The following SEC24B variants were observed in gnomAD, a reference collection of about 807,000 sequenced individuals.
SEC24B encodes SEC24 homolog B, COPII component.
In SEC24B, 45 loss-of-function variants were observed where a neutral mutation model predicts 142.8. The observed-to-expected ratio is 0.32, with a 90% CI of 0.25 to 0.40. The LOEUF (loss-of-function observed/expected upper bound fraction) is 0.40, where lower values mean the gene tolerates loss of function less well. Among genes scored for constraint, SEC24B ranks in the 10% least tolerant of loss-of-function variants. The probability of loss-of-function intolerance (pLI) is 1.00; values close to 1 mark genes in which losing one functional copy is unlikely to be tolerated. For missense variants in SEC24B, 1,409 were observed against 1,526.8 expected (o/e 0.92, Z 1.29); for synonymous variants, 574 against 568.2 (o/e 1.01, Z -0.15).
chr4:109,530,504 A>T (rs1177533831), intron 19 of SEC24B, 40 bp downstream of exon 19: 1 of 1,504,674 alleles, frequency 6.6e-7, no homozygotes, highest in Non-Finnish European at 9.1e-7. Flanking sequence ...ATTGTTTTTT[A>T]AAATTCTCAG....
intron 1 of SEC24B, among the ~76,000 whole-genome samples, chr4:109,440,451 T>C (rs1728834196): frequency 6.6e-6 from 1 of 152,198 alleles, no homozygotes; most frequent in Admixed American, 6.5e-5. Flanking sequence ...GATCATGTTA[T>C]ATATATTCAG....
chr4:109,479,326 A>G (rs1325128373), intron 3 of SEC24B, among the ~76,000 whole-genome samples: 1 of 152,064 alleles, frequency 6.6e-6, no homozygotes, highest in Non-Finnish European at 1.5e-5. Flanking sequence ...TGGTAGAGGT[A>G]GCTACTCCAT....
chr4:109,512,036 T>C lies in SEC24B; in HGVS notation c.1856T>C (p.Ile619Thr), dbSNP rs758929644. The C allele has an allele frequency of 5.0e-6, 8 of 1,613,342 alleles. No individual in the cohort carries two copies. In the African/African-American group the frequency reaches 6.7e-5, roughly 13 times the overall value. The part of the protein sequence containing the change: ...RTYINPFVSF[I>T]DQRRWKCNLC... ...TATATTAACCCCTTTGTATCCTTCA[T>C]TGATCAACGTAGATGGAAATGCAAT... Residue 619 changes from isoleucine (I) to threonine (T), a missense_variant, in exon 9 of 24, where the codon ATT becomes ACT. This residue lies in a region of SEC24B where 700 missense variants were observed against 853.3 expected (regional missense o/e 0.82). Coordinates refer to ENST00000265175, the MANE Select transcript of SEC24B (RefSeq NM_006323.5).
At chr4:109,528,056 T>C (rs1438057842) in intron 18 of SEC24B, among the ~76,000 whole-genome samples, 1 of 152,076 alleles carries the variant, frequency 6.6e-6, no homozygotes, top group Admixed American at 6.6e-5. Context: ...TAAACAAACA[T>C]GGATGCCTCT....
intron 4 of SEC24B, among the ~76,000 whole-genome samples, chr4:109,482,167 C>A (rs138431740): frequency 9.6e-4 from 146 of 152,256 alleles, no homozygotes; most frequent in African/African-American, 3.0e-3. Flanking sequence ...TTAGTCTAAT[C>A]AAAATAAGCC....
intron 4 of SEC24B, among the ~76,000 whole-genome samples, chr4:109,486,436 G>T (rs1734360946): frequency 6.6e-6 from 1 of 152,104 alleles, no homozygotes; most frequent in Non-Finnish European, 1.5e-5. Context: ...AGGCTTAATT[G>T]CTTTCTGATA....
rs60743524 is a variant in SEC24B at position 109,493,624 on chromosome 4, ATAC to A, written c.1247-987_1247-985del. Among the ~76,000 whole-genome samples the A allele has an allele frequency of 5.3e-3, 759 of 143,062 alleles. 5 individuals carry two copies. The highest frequency in any genetic ancestry group is 8.5e-3 in the Non-Finnish European group (576 of 67,410). 93.9% of individuals were successfully genotyped at this position (143,062 alleles called of 152,430 possible). On this transcript the variant is annotated intron_variant, in intron 5 of 23. Coordinates refer to ENST00000265175, the MANE Select transcript of SEC24B (RefSeq NM_006323.5). ...TTCTAGGAGCAGGACACTATTCTAGATACTACCTTTTTTTTTTTTTTTGAGACA... is the reference window on the plus strand; with the variant it reads ...TTCTAGGAGCAGGACACTATTCTAGATACCTTTTTTTTTTTTTTTGAGACA...
At chr4:109,478,665 CCTT>C (rs2125978066) in intron 3 of SEC24B, among the ~76,000 whole-genome samples, 1 of 152,280 alleles carries the variant, frequency 6.6e-6, no homozygotes, top group Non-Finnish European at 1.5e-5. Flanking sequence ...ATGTTACGCT[CCTT>C]CTCTGTTCAG....
chr4:109,439,281 G>A (rs1728690870), intron 1 of SEC24B, among the ~76,000 whole-genome samples: 2 of 151,850 alleles, frequency 1.3e-5, no homozygotes, highest in Admixed American at 1.3e-4. Context: ...AACTTTGAGG[G>A]CACATGCAGC....
chr4:109,475,096 A>G (rs1469074547), intron 3 of SEC24B, among the ~76,000 whole-genome samples: 3 of 152,220 alleles, frequency 2.0e-5, no homozygotes, highest in Non-Finnish European at 4.4e-5. Flanking sequence ...ATAAAGCTGA[A>G]TTTTTGTTGT....
intron 7 of SEC24B, among the ~76,000 whole-genome samples, chr4:109,509,672 A>T (rs1737099412): frequency 7.6e-6 from 1 of 131,548 alleles, no homozygotes; most frequent in Non-Finnish European, 1.5e-5. Flanking sequence ...GCAAGACTCC[A>T]TCTCAGAAAA....
intron 20 of SEC24B, 147 bp from the exon 21 acceptor site, chr4:109,532,492 G>C (rs1282335984): frequency 1.7e-6 from 1 of 600,418 alleles, no homozygotes; most frequent in Non-Finnish European, 3.0e-6. Flanking sequence ...TACAGCCAAG[G>C]TGGTAGCATA....
At chr4:109,509,941 A>G (rs1040971983) in intron 7 of SEC24B, 68 bp from the exon 8 acceptor site, 5 of 904,404 alleles carry the variant, frequency 5.5e-6, no homozygotes, top group Non-Finnish European at 8.4e-6. Context: ...GTTCTTAGTT[A>G]TCTTATCTAC....
At chr4:109,501,375 A>G (rs1736125326) in intron 6 of SEC24B, among the ~76,000 whole-genome samples, 1 of 152,168 alleles carries the variant, frequency 6.6e-6, no homozygotes, top group Non-Finnish European at 1.5e-5. Flanking sequence ...TTCTCAGAAC[A>G]TGTCCTCATC....
At chr4:109,516,960 A>C (rs1723002077) in intron 11 of SEC24B, among the ~76,000 whole-genome samples, 1 of 152,202 alleles carries the variant, frequency 6.6e-6, no homozygotes, top group South Asian at 2.1e-4. Context: ...TGAGACTATC[A>C]AAAAGACAAA....
intron 2 of SEC24B, 125 bp downstream of exon 2, chr4:109,463,769 T>C: frequency 2.8e-6 from 4 of 1,407,624 alleles, no homozygotes; most frequent in Non-Finnish European, 2.8e-6. Flanking sequence ...TGCTAATTTA[T>C]TGTGGCTTTT....
At chr4:109,490,838 C>T (rs1322673171) in intron 4 of SEC24B, among the ~76,000 whole-genome samples, 1 of 152,058 alleles carries the variant, frequency 6.6e-6, no homozygotes, top group Non-Finnish European at 1.5e-5. Context: ...AGCTTAGTAG[C>T]ATGCCAGATA....
rs749499588 is a variant in SEC24B at position 109,506,532 on chromosome 4, A to T, written c.1673+20A>T. 1.4e-6 allele frequency: 2 copies of T among 1,420,138 alleles called. No homozygotes were observed. Among genetic ancestry groups the T allele is most frequent in the South Asian group, 1.6e-5 (1 of 61,202 alleles). 88.0% of individuals were successfully genotyped at this position (1,420,138 alleles called of 1,614,324 possible). On this transcript the variant is annotated intron_variant, in intron 7 of 23. Transcript: ENST00000265175. ...CCCAGAGTAGGTATTTATTTATTTT[A>T]TAATCTTTCTTAAGTGATGAAAACA...
intron 3 of SEC24B, among the ~76,000 whole-genome samples, chr4:109,474,181 A>G (rs1320390756): frequency 3.3e-5 from 5 of 152,330 alleles, no homozygotes; most frequent in East Asian, 3.9e-4. Flanking sequence ...TTGATTCTCA[A>G]CAAACCAGTG....
Sources: allele counts gnomAD v4.1 joint callset (sites outside exome capture counted in the v4.1 genomes callset), GRCh38; gene constraint gnomAD v4.1.1; regional missense constraint gnomAD v4.1.1; transcripts MANE v1.5; gene names NCBI Gene and HGNC (gene_info 2026-07-23, HGNC 2026-07-21).